The following JAKMIP1 variants were observed in gnomAD, a reference collection of about 807,000 sequenced individuals.
The protein encoded by JAKMIP1 is janus kinase and microtubule-interacting protein 1.
In JAKMIP1, 33 loss-of-function variants were observed where a neutral mutation model predicts 113.0. The ratio of observed to expected loss-of-function variants is 0.29; its 90% confidence interval spans 0.22 to 0.39. The LOEUF (loss-of-function observed/expected upper bound fraction) is 0.39, where lower values mean the gene tolerates loss of function less well. JAKMIP1 is among the 10% of genes least tolerant of loss of function. JAKMIP1 has a pLI of 1.00. For missense variants in JAKMIP1, 813 were observed against 1,080.5 expected (o/e 0.75, Z 3.47); for synonymous variants, 480 against 459.9 (o/e 1.04, Z -0.56).
chr4:6,049,671 G>T lies in JAKMIP1; in HGVS notation c.1962+148C>A, dbSNP rs1715420268. The T allele has an allele frequency of 1.5e-6, 1 of 645,964 alleles. No individual in the cohort carries two copies. 40.0% of individuals were successfully genotyped at this position (645,964 alleles called of 1,614,324 possible). ...GAATGCCAACCCCACCACCCACACA[G>T]GAACACGGCCATACAAAAGCCTTAC... On this transcript the variant is annotated intron_variant, in intron 15 of 20. Transcript: ENST00000409021. The surrounding 1 kb of genome is among the most constrained non-coding windows in gnomAD (Gnocchi z 7.0).
At chr4:6,072,754 C>G (rs942246894) in intron 8 of JAKMIP1, among the ~76,000 whole-genome samples, 1 of 152,094 alleles carries the variant, frequency 6.6e-6, no homozygotes, top group Non-Finnish European at 1.5e-5. Flanking sequence ...CGACTGCAAA[C>G]AACCATGAAG....
At position 6,162,577 on chromosome 4, in the gene JAKMIP1, T is replaced by G. The variant is rs1180603433; in HGVS notation, c.-148+37676A>C. 1.3e-5 allele frequency among the ~76,000 whole-genome samples: 2 copies of G among 152,166 alleles called. No individual in the cohort carries two copies. Among genetic ancestry groups the G allele is most frequent in the Middle Eastern group, 3.2e-3 (1 of 316 alleles). ...TAGCAGGTTAACTTGCACAAGGCAG[T>G]CATGTCAACAGGGCAAAGGCACCAT... is the stretch of plus-strand genomic sequence containing the variant. On this transcript the variant is annotated intron_variant, in intron 1 of 20. Transcript: ENST00000409021. This position sits in a 1 kb window ranked among gnomAD's most constrained non-coding sequence, Gnocchi z 5.6.
rs201555526 is a variant in JAKMIP1, at chr4:6,029,801, G to A, written c.2380-20C>T. ...GATTCTCTGAAATACACCAGGTTAC[G>A]TGTCAGAAAAAGTAAGTTTTCCAGG... On this transcript the variant is annotated intron_variant, in intron 19 of 20. Transcript: ENST00000409021. 26 of 1,567,738 alleles carry A rather than the reference G, an allele frequency of 1.7e-5. No individual in the cohort carries two copies. In the Admixed American group the frequency reaches 1.8e-4, roughly 11 times the overall value.
In JAKMIP1 at chr4:6,064,809, T is replaced by A; in HGVS notation, c.1431+71A>T. ...TAGGCAAGGGAGCGAAACTTGCAAC[T>A]ATCAAAAGCAGGAGGTGCCGCCCCG... On this transcript the variant is annotated intron_variant, in intron 9 of 20. Coordinates refer to ENST00000409021, the MANE Select transcript of JAKMIP1 (RefSeq NM_001099433.2). The surrounding 1 kb of genome is among the most constrained non-coding windows in gnomAD (Gnocchi z 4.3). The A allele has an allele frequency of 6.2e-7, 1 of 1,600,822 alleles. No homozygotes were observed. Among genetic ancestry groups the A allele is most frequent in the South Asian group, 1.1e-5 (1 of 90,662 alleles).
Position 6,076,233 on chromosome 4 carries a change from G to C in JAKMIP1, c.1302+2706C>G, listed in dbSNP as rs1719678814. Among the ~76,000 whole-genome samples, 1 of 151,966 alleles carries C rather than the reference G, an allele frequency of 6.6e-6. No homozygotes were observed. The highest frequency in any genetic ancestry group is 1.5e-5 in the Non-Finnish European group (1 of 67,984). ...ATAAACAAACAAACAAATAAATATAGACAAGTTCTACTCAAACCACTTCCT... is the reference window on the plus strand; with the variant it reads ...ATAAACAAACAAACAAATAAATATACACAAGTTCTACTCAAACCACTTCCT... On this transcript the variant is annotated intron_variant, in intron 8 of 20. Transcript: ENST00000409021. The surrounding 1 kb of genome is among the most constrained non-coding windows in gnomAD (Gnocchi z 4.8).
chr4:6,095,350 G>A (rs1388306510), intron 3 of JAKMIP1, among the ~76,000 whole-genome samples: 2 of 151,406 alleles, frequency 1.3e-5, no homozygotes, highest in African/African-American at 2.4e-5. Flanking sequence ...GAAAGGAAGG[G>A]AGGAAGAAAG....
intron 1 of JAKMIP1, among the ~76,000 whole-genome samples, chr4:6,161,322 A>ATT (rs1482345417): frequency 7.9e-5 from 11 of 138,900 alleles, no homozygotes; most frequent in African/African-American, 3.5e-4. Context: ...TATGGCCTCC[A>ATT]CTCACCTCCC....
At chr4:6,063,248 T>A (rs1717569550) in intron 9 of JAKMIP1, among the ~76,000 whole-genome samples, 1 of 152,164 alleles carries the variant, frequency 6.6e-6, no homozygotes, top group African/African-American at 2.4e-5. Context: ...CCCTCATCAG[T>A]GCGTGCTGCT....
chr4:6,079,003 A>G lies in JAKMIP1; in HGVS notation c.1243-5T>C. Reference sequence around the variant, plus strand: ...GCGCAACAGCCGTTCTCTCTCCTAGAAGGAAACACAACGGTTGGCATTTCC... The same window carrying G: ...GCGCAACAGCCGTTCTCTCTCCTAGGAGGAAACACAACGGTTGGCATTTCC... On this transcript the variant is annotated splice_region_variant and splice_polypyrimidine_tract_variant and intron_variant, in intron 7 of 20. Transcript: ENST00000409021. The G allele has an allele frequency of 6.2e-7, 1 of 1,614,158 alleles. No homozygotes were observed. The highest frequency in any genetic ancestry group is 8.5e-7 in the Non-Finnish European group (1 of 1,180,026).
At position 6,162,450 on chromosome 4, in the gene JAKMIP1, A is replaced by T. The variant is rs987959174; in HGVS notation, c.-148+37803T>A. On this transcript the variant is annotated intron_variant, in intron 1 of 20. Coordinates refer to ENST00000409021, the MANE Select transcript of JAKMIP1 (RefSeq NM_001099433.2). This position sits in a 1 kb window ranked among gnomAD's most constrained non-coding sequence, Gnocchi z 5.6. ...CTCCAGAGGCCACATGAGCCAAGTG[A>T]CAGGGGCAGATGGAGCCAGGGCCCT... Among the ~76,000 whole-genome samples the T allele has an allele frequency of 6.6e-6, 1 of 152,176 alleles. No homozygotes were observed. Among genetic ancestry groups the T allele is most frequent in the Admixed American group, 6.5e-5 (1 of 15,278 alleles).
chr4:6,105,216 C>T (rs1810242), intron 3 of JAKMIP1, among the ~76,000 whole-genome samples: 150,059 of 152,358 alleles, frequency 0.98, 73,939 homozygotes, highest in Middle Eastern at 1. Flanking sequence ...CACTTAGATA[C>T]GCTATCACGA....
chr4:6,131,540 G>A (rs1351396150), intron 1 of JAKMIP1, among the ~76,000 whole-genome samples: 1 of 152,040 alleles, frequency 6.6e-6, no homozygotes, highest in African/African-American at 2.4e-5. Context: ...GATCAGCCTA[G>A]GCAACATGGC....
chr4:6,188,481 A>G lies in JAKMIP1; in HGVS notation c.-148+11772T>C, dbSNP rs1726880714. On this transcript the variant is annotated intron_variant, in intron 1 of 20. Coordinates refer to ENST00000409021, the MANE Select transcript of JAKMIP1 (RefSeq NM_001099433.2). The surrounding 1 kb of genome is among the most constrained non-coding windows in gnomAD (Gnocchi z 5.8). Reference sequence around the variant, plus strand: ...CACCACCCCAAAATGTTCAGCCCACATCCCTACCTAAGAGTGACTTAATAC... The same window carrying G: ...CACCACCCCAAAATGTTCAGCCCACGTCCCTACCTAAGAGTGACTTAATAC... Among the ~76,000 whole-genome samples, 4 of 152,130 alleles carry G rather than the reference A, an allele frequency of 2.6e-5. No individual in the cohort carries two copies. Among genetic ancestry groups the G allele is most frequent in the African/African-American group, 9.7e-5 (4 of 41,414 alleles).
In JAKMIP1 at chr4:6,093,053, G is replaced by A. The variant is rs558041986; in HGVS notation, c.625-7424C>T. Among the ~76,000 whole-genome samples, 2 of 152,284 alleles carry A rather than the reference G, an allele frequency of 1.3e-5. No homozygotes were observed. Among genetic ancestry groups the A allele is most frequent in the Admixed American group, 1.3e-4 (2 of 15,290 alleles). On this transcript the variant is annotated intron_variant, in intron 3 of 20. Coordinates refer to ENST00000409021, the MANE Select transcript of JAKMIP1 (RefSeq NM_001099433.2). The surrounding 1 kb of genome is among the most constrained non-coding windows in gnomAD (Gnocchi z 4.6). ...GCTATTTTAGAGATATGGTTAAAATGATCACATCATGCCCCATTACTTCCA... is the reference window on the plus strand; with the variant it reads ...GCTATTTTAGAGATATGGTTAAAATAATCACATCATGCCCCATTACTTCCA...
intron 5 of JAKMIP1, among the ~76,000 whole-genome samples, chr4:6,082,997 C>A (rs1301063550): frequency 6.6e-6 from 1 of 151,752 alleles, no homozygotes; most frequent in East Asian, 1.9e-4. Flanking sequence ...GGAAAAAAAT[C>A]CCAATTCATA....
At chr4:6,171,598 C>A (rs556832077) in intron 1 of JAKMIP1, among the ~76,000 whole-genome samples, 6 of 151,574 alleles carry the variant, frequency 4.0e-5, no homozygotes, top group African/African-American at 1.4e-4. Flanking sequence ...GATCCCCCCC[C>A]AAGTATGTGT....
chr4:6,062,188 G>T, intron 10 of JAKMIP1, 124 bp downstream of exon 10: 1 of 1,036,464 alleles, frequency 9.6e-7, no homozygotes, highest in Non-Finnish European at 1.5e-6. Flanking sequence ...CTTGCTATGG[G>T]TTCCCCACCA....
intron 3 of JAKMIP1, among the ~76,000 whole-genome samples, chr4:6,100,285 ATAGATTTGG>A (rs1358155523): frequency 4.6e-5 from 7 of 152,216 alleles, no homozygotes; most frequent in African/African-American, 1.7e-4. Context: ...ATTTGGATAT[ATAGATTTGG>A]CTATTCTGGA....
chr4:6,125,475 GCACC>G (rs1339500484), intron 1 of JAKMIP1, among the ~76,000 whole-genome samples: 3 of 152,082 alleles, frequency 2.0e-5, no homozygotes, highest in South Asian at 2.1e-4. Flanking sequence ...TGTTCATTCT[GCACC>G]CAACAGACAC....
Sources: allele counts gnomAD v4.1 joint callset (sites outside exome capture counted in the v4.1 genomes callset), GRCh38; gene constraint gnomAD v4.1.1; non-coding constraint Gnocchi (gnomAD v3.1); transcripts MANE v1.5; gene names NCBI Gene and HGNC (gene_info 2026-07-23, HGNC 2026-07-21).